PDE4B: variants seen among roughly 807,000 people sequenced by gnomAD.
PDE4B encodes the protein 3',5'-cyclic-AMP phosphodiesterase 4B.
Under a neutral mutation model 82.2 loss-of-function variants are expected in PDE4B, and 20 were observed. The ratio of observed to expected loss-of-function variants is 0.24; its 90% confidence interval spans 0.17 to 0.35. The LOEUF is 0.35. Among genes scored for constraint, PDE4B ranks in the 10% least tolerant of loss-of-function variants. The pLI, the probability that PDE4B is intolerant of heterozygous loss-of-function variation, is 1.00. For missense variants in PDE4B, 655 were observed against 907.2 expected, an observed-to-expected ratio of 0.72 and a Z score of 3.57; for synonymous variants, 320 against 318.9, an observed-to-expected ratio of 1.00 and a Z score of -0.04.
At chr1:66,191,961 C>T (rs183723836) in intron 3 of PDE4B, among the ~76,000 whole-genome samples, 14 of 152,184 alleles carry the variant, frequency 9.2e-5, no homozygotes, top group African/African-American at 3.1e-4. Flanking sequence ...CCCACGGGTC[C>T]CTCCCACAAC....
chr1:65,957,998 T>A (rs1404136804), intron 3 of PDE4B, among the ~76,000 whole-genome samples: 1 of 152,068 alleles, frequency 6.6e-6, no homozygotes, highest in Non-Finnish European at 1.5e-5. Context: ...TCCTTTAATT[T>A]TTTTCTTGTA....
chr1:65,948,460 T>C (rs544238708), intron 3 of PDE4B, among the ~76,000 whole-genome samples: 2 of 152,058 alleles, frequency 1.3e-5, no homozygotes, highest in South Asian at 4.2e-4. Context: ...GGGCAGGAAG[T>C]ATCCAGCATG....
At chr1:65,825,703 TACC>T (rs1428324784) in intron 1 of PDE4B, among the ~76,000 whole-genome samples, 4 of 31,134 alleles carry the variant, frequency 1.3e-4, no homozygotes, top group African/African-American at 3.5e-4. Flanking sequence ...AAAACAAAAT[TACC>T]TATCTATCTA....
intron 9 of PDE4B, among the ~76,000 whole-genome samples, chr1:66,359,114 A>C (rs980610395): frequency 6.6e-6 from 1 of 152,234 alleles, no homozygotes; most frequent in Non-Finnish European, 1.5e-5. Context: ...CAATTTAGTT[A>C]ATATTTTCAT....
chr1:65,929,721 G>A (rs1270498857), intron 3 of PDE4B, among the ~76,000 whole-genome samples: 1 of 152,118 alleles, frequency 6.6e-6, no homozygotes, highest in Non-Finnish European at 1.5e-5. Flanking sequence ...TGCACATATG[G>A]TCAAAGGTAT....
chr1:66,321,346 T>A (rs899172674), intron 7 of PDE4B, among the ~76,000 whole-genome samples: 1 of 152,188 alleles, frequency 6.6e-6, no homozygotes, highest in Non-Finnish European at 1.5e-5. Context: ...AACTTATGAA[T>A]GTTTCAAATC....
chr1:66,347,359 T>C (rs775788212), intron 8 of PDE4B, among the ~76,000 whole-genome samples: 1 of 152,330 alleles, frequency 6.6e-6, no homozygotes, highest in Admixed American at 6.5e-5. Flanking sequence ...CTATTTTATG[T>C]TATGAAACTA....
At chr1:66,210,979 C>T (rs1169726468) in intron 3 of PDE4B, among the ~76,000 whole-genome samples, 3 of 152,116 alleles carry the variant, frequency 2.0e-5, no homozygotes, top group African/African-American at 7.2e-5. Context: ...AGTAGTAGAA[C>T]AAGAGTAGTG....
chr1:66,267,257 T>C (rs1655119444), intron 7 of PDE4B: 1 of 152,258 alleles, frequency 6.6e-6, no homozygotes, highest in African/African-American at 2.4e-5. Context: ...CTCTATGGAC[T>C]TCAAAAACCT....
intron 7 of PDE4B, among the ~76,000 whole-genome samples, chr1:66,281,813 A>T (rs971979798): frequency 2.6e-5 from 4 of 152,176 alleles, no homozygotes; most frequent in African/African-American, 9.7e-5. Context: ...TATTAAGTCA[A>T]TATCATTATC....
At chr1:66,335,479 T>G (rs2101928416) in intron 8 of PDE4B, among the ~76,000 whole-genome samples, 1 of 152,354 alleles carries the variant, frequency 6.6e-6, no homozygotes, top group South Asian at 2.1e-4. Flanking sequence ...GTTTGTTTGT[T>G]TTCCTTAATC....
At chr1:65,957,158 C>T (rs1358277949) in intron 3 of PDE4B, among the ~76,000 whole-genome samples, 1 of 149,386 alleles carries the variant, frequency 6.7e-6, no homozygotes, top group African/African-American at 2.5e-5. Flanking sequence ...TGTCTTTTTA[C>T]CCTCTTTCTG....
chr1:65,819,499 G>GTTTTTT (rs11438074), intron 1 of PDE4B, among the ~76,000 whole-genome samples: 4 of 145,416 alleles, frequency 2.8e-5, no homozygotes, highest in Admixed American at 6.8e-5. Flanking sequence ...GTTTGTTTTT[G>GTTTTTT]TTTTGTTTTT....
At chr1:66,026,776 T>C (rs1392901872) in intron 3 of PDE4B, among the ~76,000 whole-genome samples, 2 of 152,186 alleles carry the variant, frequency 1.3e-5, no homozygotes, top group East Asian at 1.9e-4. Context: ...CAGACTTTGG[T>C]CACAAAACAA....
chr1:66,039,692 G>A (rs987858173), intron 3 of PDE4B, among the ~76,000 whole-genome samples: 4 of 151,950 alleles, frequency 2.6e-5, no homozygotes, highest in African/African-American at 9.7e-5. Context: ...ACTCAGAAAT[G>A]TCATACAGTC....
chr1:66,012,595 TTG>T (rs1652548485), intron 3 of PDE4B, among the ~76,000 whole-genome samples: 1 of 152,194 alleles, frequency 6.6e-6, no homozygotes, highest in African/African-American at 2.4e-5. Context: ...AGTAACCACA[TTG>T]TGAGCCCAGT....
At chr1:65,916,214 A>G (rs1647157803) in intron 2 of PDE4B, among the ~76,000 whole-genome samples, 1 of 152,202 alleles carries the variant, frequency 6.6e-6, no homozygotes, top group Admixed American at 6.5e-5. Context: ...TGCATTTAAT[A>G]TTAACTGAGG....
intron 1 of PDE4B, among the ~76,000 whole-genome samples, chr1:65,872,385 A>T (rs1034379330): frequency 6.6e-6 from 1 of 152,192 alleles, no homozygotes; most frequent in African/African-American, 2.4e-5. Context: ...TCTTAAAATT[A>T]TGAGTAGATA....
At chr1:66,124,122 A>G (rs1645770690) in intron 3 of PDE4B, among the ~76,000 whole-genome samples, 1 of 152,112 alleles carries the variant, frequency 6.6e-6, no homozygotes, top group Non-Finnish European at 1.5e-5. Context: ...CAGGTTATGG[A>G]TTTGTCTCAT....
Sources: gnomAD v4.1 joint callset for allele counts (sites outside exome capture counted in the v4.1 genomes callset) on GRCh38, gnomAD v4.1.1 for gene constraint, MANE v1.5 for transcripts, NCBI Gene and HGNC (gene_info 2026-07-23, HGNC 2026-07-21) for gene names.